Variants in VWA8 observed in about 807,000 individuals in gnomAD.
The protein encoded by VWA8 is von Willebrand factor A domain-containing protein 8.
In VWA8, 221 loss-of-function variants were observed where a neutral mutation model predicts 241.5. The ratio of observed to expected loss-of-function variants is 0.91; its 90% CI spans 0.82 to 1.02. VWA8 has a LOEUF of 1.02. Among genes scored for constraint, VWA8 ranks in the 50% least tolerant of loss-of-function variants. The probability of loss-of-function intolerance (pLI) is 0.00; values close to 1 mark genes in which losing one functional copy is unlikely to be tolerated. For synonymous variants in VWA8, 852 were observed against 827.1 expected (o/e 1.03, Z -0.52); for missense variants, 2,322 against 2,328.7 (o/e 1.00, Z 0.06).
intron 37 of VWA8, among the ~76,000 whole-genome samples, chr13:41,652,307 G>A (rs926440532): frequency 2.0e-5 from 3 of 152,120 alleles, no homozygotes; most frequent in Admixed American, 6.5e-5. Flanking sequence ...ATACAAACAC[G>A]GGCTTCTGAG....
At chr13:41,684,916 T>A in intron 35 of VWA8, 131 bp downstream of exon 35, 2 of 821,648 alleles carry the variant, frequency 2.4e-6, no homozygotes, top group Non-Finnish European at 1.9e-6. Flanking sequence ...TCTTTTTAGT[T>A]ACTTCTAAAC....
intron 2 of VWA8, among the ~76,000 whole-genome samples, chr13:41,943,992 C>T (rs770557376): frequency 5.3e-5 from 8 of 151,974 alleles, no homozygotes; most frequent in Non-Finnish European, 1.2e-4. Context: ...GTAATCCCAG[C>T]TACTCGGGAG....
At chr13:41,784,707 T>TATAC (rs1869074256) in intron 18 of VWA8, among the ~76,000 whole-genome samples, 3 of 66,196 alleles carry the variant, frequency 4.5e-5, no homozygotes, top group Non-Finnish European at 9.8e-5. Flanking sequence ...CATATATATA[T>TATAC]ATATATATAT....
chr13:41,677,817 T>C (rs2045070752), intron 35 of VWA8, among the ~76,000 whole-genome samples: 4 of 152,208 alleles, frequency 2.6e-5, no homozygotes, highest in Admixed American at 2.6e-4. Flanking sequence ...CATCTTTTAT[T>C]ACAATTTCTG....
chr13:41,824,629 A>G (rs750562643), intron 14 of VWA8, among the ~76,000 whole-genome samples: 7 of 152,016 alleles, frequency 4.6e-5, no homozygotes, highest in Non-Finnish European at 7.4e-5. Flanking sequence ...GGAGTTCAAG[A>G]GCAGCCTGGG....
At chr13:41,628,287 A>G (rs368527413) in intron 37 of VWA8, among the ~76,000 whole-genome samples, 142 of 152,360 alleles carry the variant, frequency 9.3e-4, no homozygotes, top group African/African-American at 3.4e-3. Context: ...TTCAGCCACC[A>G]TGGAAAGCAG....
At chr13:41,873,069 A>C (rs1368424084) in intron 9 of VWA8, among the ~76,000 whole-genome samples, 3 of 152,218 alleles carry the variant, frequency 2.0e-5, no homozygotes, top group Middle Eastern at 3.4e-3. Flanking sequence ...CTTTGAAGCA[A>C]TTGTGAATGA....
chr13:41,667,843 T>C (rs2044996629), intron 37 of VWA8, among the ~76,000 whole-genome samples: 1 of 152,244 alleles, frequency 6.6e-6, no homozygotes, highest in South Asian at 2.1e-4. Context: ...CTCTTAAAAC[T>C]ACATTTATAT....
chr13:41,860,839 C>T (rs1872971387), intron 12 of VWA8, among the ~76,000 whole-genome samples: 1 of 152,034 alleles, frequency 6.6e-6, no homozygotes, highest in African/African-American at 2.4e-5. Context: ...ACATAAATTT[C>T]ATAGCTCAAA....
chr13:41,800,266 T>G lies in VWA8; in HGVS notation c.2063+10959A>C, dbSNP rs574760710. ...AGAAGTTTTTGTGTGGACCTGTTTT[T>G]GTTTCTCTTGGATAGATTCCTAGGA... On this transcript the variant is annotated intron_variant, in intron 17 of 44. Transcript: ENST00000379310. 4.6e-5 allele frequency among the ~76,000 whole-genome samples: 7 copies of G among 152,336 alleles called. No individual in the cohort carries two copies. The East Asian group carries it at 1.2e-3, about 25-fold the overall frequency.
intron 37 of VWA8, among the ~76,000 whole-genome samples, chr13:41,663,515 C>T (rs933642386): frequency 2.6e-5 from 4 of 152,142 alleles, no homozygotes; most frequent in Non-Finnish European, 5.9e-5. Context: ...AAGGTAACTA[C>T]TTCAACTCTG....
At chr13:41,644,788 T>C (rs1448298578) in intron 37 of VWA8, among the ~76,000 whole-genome samples, 1 of 152,270 alleles carries the variant, frequency 6.6e-6, no homozygotes, top group Admixed American at 6.5e-5. Context: ...GTGTTTACTA[T>C]AAGGAGTGTT....
rs746843860 is a variant in VWA8, at chr13:41,830,583, C to T, written c.1646G>A (p.Arg549Lys). Residue 549 changes from arginine to lysine, a missense_variant, in exon 14 of 45, where the codon AGG becomes AAG. Transcript: ENST00000379310. ...YDGSRLLRED[R>K]YMRLKEELQL... is the part of the protein sequence containing the mutation. ...CAGCTCCTCCTTTAAACGCATATAC[C>T]TGTCTTCTCTCAGCAGCCTAGAACC... The T allele has an allele frequency of 6.2e-7, 1 of 1,613,906 alleles. No individual in the cohort carries two copies. Among genetic ancestry groups the T allele is most frequent in the East Asian group, 2.2e-5 (1 of 44,860 alleles).
chr13:41,706,871 A>T (rs1007575997), intron 26 of VWA8, among the ~76,000 whole-genome samples: 1 of 152,210 alleles, frequency 6.6e-6, no homozygotes, highest in Admixed American at 6.5e-5. Context: ...CCTAGCTGGA[A>T]AGATGTGTGG....
intron 37 of VWA8, among the ~76,000 whole-genome samples, chr13:41,663,725 T>C (rs2044967555): frequency 6.6e-6 from 1 of 151,890 alleles, no homozygotes; most frequent in South Asian, 2.1e-4. Flanking sequence ...AACAAATCAA[T>C]ATTGTTTACC....
intron 2 of VWA8, among the ~76,000 whole-genome samples, chr13:41,935,767 T>C (rs1206300614): frequency 6.6e-6 from 1 of 151,886 alleles, no homozygotes; most frequent in Non-Finnish European, 1.5e-5. Context: ...TTCGAGGTTT[T>C]TTTTTTTTTA....
At chr13:41,803,628 G>C (rs1203245996) in intron 17 of VWA8, among the ~76,000 whole-genome samples, 3 of 152,152 alleles carry the variant, frequency 2.0e-5, no homozygotes, top group Non-Finnish European at 4.4e-5. Context: ...CCGCCCCCGT[G>C]ATTAATTATC....
chr13:41,831,252 T>TC (rs1159399214), intron 13 of VWA8, among the ~76,000 whole-genome samples: 1 of 151,986 alleles, frequency 6.6e-6, no homozygotes, highest in African/African-American at 2.4e-5. Context: ...CTACATAGCC[T>TC]CCATTCTATA....
chr13:41,719,377 C>A (rs941497092), intron 26 of VWA8: 2 of 1,386,416 alleles, frequency 1.4e-6, no homozygotes, highest in Non-Finnish European at 1.9e-6. Context: ...TACATCTACT[C>A]ATGGGACATA....
Sources: gnomAD v4.1 joint callset for allele counts (sites outside exome capture counted in the v4.1 genomes callset) on GRCh38, gnomAD v4.1.1 for gene constraint, MANE v1.5 for transcripts, NCBI Gene and HGNC (gene_info 2026-07-23, HGNC 2026-07-21) for gene names.